The following PTPRQ variants were observed in gnomAD, a reference collection of about 807,000 sequenced individuals.
PTPRQ encodes protein tyrosine phosphatase receptor type Q, also known as phosphatidylinositol phosphatase PTPRQ.
A neutral mutation model predicts 246.0 loss-of-function variants in PTPRQ; 199 were observed. That is an observed-to-expected ratio of 0.81 (90% CI 0.72 to 0.91). The LOEUF (loss-of-function observed/expected upper bound fraction) is 0.91. Among genes scored for constraint, PTPRQ ranks in the 40% least tolerant of loss-of-function variants. The pLI is 0.00. For synonymous variants in PTPRQ, 869 were observed against 853.2 expected, an observed-to-expected ratio of 1.02 and a Z score of -0.32; for missense variants, 2,624 against 2,528.4, an observed-to-expected ratio of 1.04 and a Z score of -0.81.
In PTPRQ at chr12:80,468,626, C is replaced by T. The variant is rs562043267; in HGVS notation, c.911-84C>T. The T allele has an allele frequency of 3.9e-5, 49 of 1,256,624 alleles. No homozygotes were observed. In the South Asian group the frequency reaches 1.1e-3, roughly 28 times the overall value. 77.8% of individuals were successfully genotyped at this position (1,256,624 alleles called of 1,614,324 possible). On this transcript the variant is annotated intron_variant, in intron 6 of 44. Coordinates refer to ENST00000644991, the MANE Select transcript of PTPRQ (RefSeq NM_001145026.2). ...GCGATATTTTATTTTCCTTCTTTGCCTTTGTGTTTTATTATGTGTATTTAA... is the reference window on the plus strand; with the variant it reads ...GCGATATTTTATTTTCCTTCTTTGCTTTTGTGTTTTATTATGTGTATTTAA...
chr12:80,577,004 T>C (rs1897293664), intron 25 of PTPRQ, among the ~76,000 whole-genome samples: 1 of 152,236 alleles, frequency 6.6e-6, no homozygotes, highest in South Asian at 2.1e-4. Context: ...GTGGTCTCAA[T>C]AGATAATTAA....
At chr12:80,528,306 AT>A (rs1430428229) in intron 17 of PTPRQ, among the ~76,000 whole-genome samples, 2 of 152,154 alleles carry the variant, frequency 1.3e-5, no homozygotes, top group African/African-American at 4.8e-5. Context: ...TTTTACTCAA[AT>A]TTTGGAGCCC....
intron 26 of PTPRQ, among the ~76,000 whole-genome samples, chr12:80,595,503 T>C (rs1897940128): frequency 6.6e-6 from 1 of 152,112 alleles, no homozygotes; most frequent in South Asian, 2.1e-4. Flanking sequence ...TAAAATTCTC[T>C]TGGCCAGTAG....
Position 80,546,665 on chromosome 12 carries a change from G to A in PTPRQ, c.3983G>A (p.Ser1328Asn), listed in dbSNP as rs1164479674. The change falls in exon 24 of 45, where the codon AGT (serine) becomes AAT (asparagine). Residue 1328 changes from serine (S) to asparagine (N), a missense_variant. Transcript: ENST00000644991. ...AAAGTTGGAAATGGCAATCAATTTAGTAATGTAGTAAAATTCACAACCCAA... is the reference window on the plus strand; with the variant it reads ...AAAGTTGGAAATGGCAATCAATTTAATAATGTAGTAAAATTCACAACCCAA... ...FTKVGNGNQF[S>N]NVVKFTTQES... The A allele has an allele frequency of 6.4e-7, 1 of 1,551,376 alleles. No individual in the cohort carries two copies. Among genetic ancestry groups the A allele is most frequent in the Non-Finnish European group, 8.7e-7 (1 of 1,146,826 alleles).
Position 80,670,353 on chromosome 12 carries a change from T to C in PTPRQ, c.6463T>C (p.Cys2155Arg). The part of the protein sequence containing the change: ...RDLKIERHGD[C>R]MTVRQCNFTA... ...CCGTCCCTTTGTCTAGCATGGGGAT[T>C]GCATGACTGTTCGACAGTGTAACTT... The change falls in exon 42 of 45, where the codon TGC (cysteine) becomes CGC (arginine). Residue 2155 changes from cysteine (C) to arginine (R), a missense_variant. Physicochemically the swap from Cys to Arg is radical, Grantham distance 180 (BLOSUM62 -3). Coordinates refer to ENST00000644991, the MANE Select transcript of PTPRQ (RefSeq NM_001145026.2). 1 of 1,550,808 alleles carries C rather than the reference T, an allele frequency of 6.4e-7. No individual in the cohort carries two copies. The highest frequency in any genetic ancestry group is 8.7e-7 in the Non-Finnish European group (1 of 1,146,408).
intron 17 of PTPRQ, among the ~76,000 whole-genome samples, chr12:80,522,290 C>A (rs1385056293): frequency 6.6e-6 from 1 of 152,196 alleles, no homozygotes; most frequent in Admixed American, 6.5e-5. Flanking sequence ...TCTAGATATA[C>A]AATCATGTCA....
rs374852873 is a variant in PTPRQ, at chr12:80,586,989, C to T, written c.4286-1140C>T. ...TTGAACGTCTTCTGATTTTGTTCTCCGTGGAAGGTCTGGGAGCCAGTACCC... is the reference window on the plus strand; with the variant it reads ...TTGAACGTCTTCTGATTTTGTTCTCTGTGGAAGGTCTGGGAGCCAGTACCC... On this transcript the variant is annotated intron_variant, in intron 25 of 44. Coordinates refer to ENST00000644991, the MANE Select transcript of PTPRQ (RefSeq NM_001145026.2). 3.4e-4 allele frequency among the ~76,000 whole-genome samples: 52 copies of T among 152,126 alleles called. 1 individual carries two copies. Among genetic ancestry groups the T allele is most frequent in the African/African-American group, 1.2e-3 (50 of 41,522 alleles).
chr12:80,619,623 G>A, intron 31 of PTPRQ, 81 bp downstream of exon 31: 1 of 1,221,338 alleles, frequency 8.2e-7, no homozygotes, highest in Non-Finnish European at 1.0e-6. Context: ...TTCAAATTAA[G>A]ATTGACTCCC....
Position 80,605,164 on chromosome 12 carries a change from T to C in PTPRQ, c.4715T>C (p.Leu1572Pro), listed in dbSNP as rs1045099843. 1 of 1,541,812 alleles carries C rather than the reference T, an allele frequency of 6.5e-7. No homozygotes were observed. The highest frequency in any genetic ancestry group is 1.2e-5 in the South Asian group (1 of 82,644). The part of the protein sequence containing the change: ...PAVITGPTCY[L>P]IDVKSVDNDE... ...GTCATTACTGGACCAACATGTTATC[T>C]GATTGATGTCAAATCGGTAAGGCAT... The change falls in exon 27 of 45, where the codon CTG (leucine) becomes CCG (proline). Residue 1572 changes from leucine (L) to proline (P), a missense_variant. Leu to Pro is a moderately conservative substitution (Grantham distance 98). Transcript: ENST00000644991.
Position 80,542,834 on chromosome 12 carries a change from T to C in PTPRQ, c.3826T>C (p.Tyr1276His). 1.3e-6 allele frequency: 2 copies of C among 1,545,210 alleles called. No homozygotes were observed. The highest frequency in any genetic ancestry group is 1.7e-6 in the Non-Finnish European group (2 of 1,144,212). The change falls in exon 23 of 45, where the codon TAT (tyrosine) becomes CAT (histidine). Residue 1276 changes from tyrosine (Y) to histidine (H), a missense_variant. Coordinates refer to ENST00000644991, the MANE Select transcript of PTPRQ (RefSeq NM_001145026.2). ...TCTTCCAGGTGGTATTGTTAAAGTA[T>C]ATAGTTTTAAAATTCATGAACATGA... ...SPLPGGIVKVYSFKIHEHETD... is the reference protein window; with the variant it reads ...SPLPGGIVKVHSFKIHEHETD...
At position 80,616,094 on chromosome 12, in the gene PTPRQ, T is replaced by TAA. The variant is rs397842293; in HGVS notation, c.5164-105_5164-104dup. ...ATAATCAGTTTTATATATATATATA[T>TAA]AACTATATATATACATACATATATA... On this transcript the variant is annotated intron_variant, in intron 29 of 44. Coordinates refer to ENST00000644991, the MANE Select transcript of PTPRQ (RefSeq NM_001145026.2). The TAA allele has an allele frequency of 1.5e-3, 864 of 568,180 alleles. 7 individuals carry two copies. In the African/African-American group the frequency reaches 0.016, roughly 10 times the overall value. The allele number at this position is 568,180 out of a possible 1,614,324, so 35.2% of individuals were successfully genotyped here.
At chr12:80,504,116 A>G (rs1894883163) in intron 14 of PTPRQ, among the ~76,000 whole-genome samples, 1 of 151,600 alleles carries the variant, frequency 6.6e-6, no homozygotes, top group African/African-American at 2.4e-5. Context: ...ATCCCTTTAA[A>G]TATTTCTTCA....
intron 33 of PTPRQ, among the ~76,000 whole-genome samples, chr12:80,627,338 C>T (rs1899239738): frequency 7.5e-6 from 1 of 132,580 alleles, no homozygotes; most frequent in Non-Finnish European, 1.6e-5. Context: ...TATAAGAACT[C>T]AATTTTTATA....
At chr12:80,460,961 T>G (rs1893145060) in intron 6 of PTPRQ, 59 bp downstream of exon 6, 2 of 397,902 alleles carry the variant, frequency 5.0e-6, no homozygotes, top group South Asian at 2.8e-4. Context: ...ATGTTTAATT[T>G]ATGTAGATAT....
intron 19 of PTPRQ, among the ~76,000 whole-genome samples, chr12:80,535,635 G>A (rs1379936247): frequency 6.6e-6 from 1 of 152,118 alleles, no homozygotes; most frequent in Non-Finnish European, 1.5e-5. Context: ...CACTCTCTAG[G>A]ATGTGAATGA....
At chr12:80,597,211 T>C (rs766877087) in intron 26 of PTPRQ, among the ~76,000 whole-genome samples, 1 of 152,006 alleles carries the variant, frequency 6.6e-6, no homozygotes, top group Non-Finnish European at 1.5e-5. Context: ...ATATCCTAGA[T>C]ATTTTTTACC....
chr12:80,467,903 T>C (rs1893489531), intron 6 of PTPRQ, among the ~76,000 whole-genome samples: 1 of 152,142 alleles, frequency 6.6e-6, no homozygotes, highest in South Asian at 2.1e-4. Context: ...TTATACCTAA[T>C]GCTAAATGAC....
At chr12:80,566,490 T>G (rs1393635024) in intron 25 of PTPRQ, among the ~76,000 whole-genome samples, 1 of 151,978 alleles carries the variant, frequency 6.6e-6, no homozygotes, top group Non-Finnish European at 1.5e-5. Context: ...AAAAAAAAAT[T>G]AATAGCCAAA....
At chr12:80,610,023 A>G (rs1254083178) in intron 27 of PTPRQ, among the ~76,000 whole-genome samples, 3 of 150,584 alleles carry the variant, frequency 2.0e-5, no homozygotes, top group East Asian at 3.9e-4. Flanking sequence ...ACATGCATTG[A>G]AAGACTAGAC....
Sources: allele counts gnomAD v4.1 joint callset (sites outside exome capture counted in the v4.1 genomes callset), GRCh38; gene constraint gnomAD v4.1.1; transcripts MANE v1.5; gene names NCBI Gene and HGNC (gene_info 2026-07-23, HGNC 2026-07-21).